Variants in CMC2 observed in about 807,000 individuals in gnomAD.
The protein encoded by CMC2 is COX assembly mitochondrial protein 2 homolog.
Under a neutral mutation model 7.5 loss-of-function variants are expected in CMC2, and 5 were observed. That is an observed-to-expected ratio of 0.66 (90% CI 0.35 to 1.40). The LOEUF is 1.40. Among genes scored for constraint, CMC2 ranks in the 40% most tolerant of loss-of-function variants. CMC2 has a pLI of 0.04. For missense variants in CMC2, 115 were observed against 92.3 expected, an observed-to-expected ratio of 1.25 and a Z score of -1.01; for synonymous variants, 37 against 31.4, an observed-to-expected ratio of 1.18 and a Z score of -0.60.
At chr16:80,993,267 A>T (rs1327440813) in intron 2 of CMC2, among the ~76,000 whole-genome samples, 2 of 152,208 alleles carry the variant, frequency 1.3e-5, no homozygotes, top group Non-Finnish European at 2.9e-5. Flanking sequence ...TGAAAGAAAA[A>T]AACAAAACAA....
chr16:81,003,921 G>C (rs1567537573), intron 1 of CMC2, among the ~76,000 whole-genome samples: 1 of 152,196 alleles, frequency 6.6e-6, no homozygotes, highest in Non-Finnish European at 1.5e-5. Flanking sequence ...GATGGCATGG[G>C]TTTAAAATAA....
chr16:80,984,495 C>T (rs1382224536), intron 2 of CMC2, among the ~76,000 whole-genome samples: 1 of 152,206 alleles, frequency 6.6e-6, no homozygotes, highest in South Asian at 2.1e-4. Flanking sequence ...AAGCATTTAA[C>T]ATAGACTAAA....
intron 2 of CMC2, chr16:80,996,926 TA>T (rs1284583218): frequency 5.1e-6 from 2 of 392,898 alleles, no homozygotes; most frequent in African/African-American, 2.1e-5. Flanking sequence ...CTATTACCAT[TA>T]AACACAGAAT....
At chr16:80,988,850 C>A (rs893136058) in intron 2 of CMC2, among the ~76,000 whole-genome samples, 20 of 151,096 alleles carry the variant, frequency 1.3e-4, no homozygotes, top group African/African-American at 4.9e-4. Flanking sequence ...TATCTTTAAT[C>A]TTTATTTGAA....
chr16:81,004,251 C>T (rs911434338), intron 1 of CMC2, among the ~76,000 whole-genome samples: 9 of 152,110 alleles, frequency 5.9e-5, no homozygotes, highest in Admixed American at 2.6e-4. Flanking sequence ...ACATCAGCAG[C>T]ATGGTGGAAA....
chr16:81,001,542 G>A (rs1045823768), intron 1 of CMC2, among the ~76,000 whole-genome samples: 1 of 152,084 alleles, frequency 6.6e-6, no homozygotes, highest in African/African-American at 2.4e-5. Context: ...GAGATGGACG[G>A]TGGTGATGGT....
At chr16:81,002,403 T>C (rs1968933620) in intron 1 of CMC2, among the ~76,000 whole-genome samples, 1 of 152,144 alleles carries the variant, frequency 6.6e-6, no homozygotes, top group Non-Finnish European at 1.5e-5. Context: ...CCAGCTTGGG[T>C]AACAGCGCAA....
chr16:80,983,764 C>G (rs1000673859), intron 2 of CMC2: 1 of 152,220 alleles, frequency 6.6e-6, no homozygotes, highest in African/African-American at 2.4e-5. Context: ...GGCGGATCAC[C>G]TCAGGTCAGG....
intron 3 of CMC2, chr16:80,978,387 G>C: frequency 3.9e-6 from 5 of 1,270,710 alleles, no homozygotes; most frequent in Non-Finnish European, 5.1e-6. Flanking sequence ...AATATGCTAA[G>C]ACATCTCCAA....
intron 2 of CMC2, among the ~76,000 whole-genome samples, chr16:80,984,891 C>T (rs893308843): frequency 4.6e-5 from 7 of 152,156 alleles, no homozygotes; most frequent in African/African-American, 1.4e-4. Context: ...GACCCAAGTG[C>T]CCCAGAGAAA....
At chr16:80,993,257 T>C (rs1276935186) in intron 2 of CMC2, among the ~76,000 whole-genome samples, 1 of 152,060 alleles carries the variant, frequency 6.6e-6, no homozygotes, top group South Asian at 2.1e-4. Context: ...CTGTGATAAC[T>C]GAAAGAAAAA....
chr16:80,993,382 G>A (rs1302249458), intron 2 of CMC2, among the ~76,000 whole-genome samples: 1 of 152,128 alleles, frequency 6.6e-6, no homozygotes, highest in East Asian at 1.9e-4. Flanking sequence ...GAGCAGAGGA[G>A]GCAAACGTCA....
rs1656882201 is a variant in CMC2, at chr16:80,966,800, T to TTC, written c.*9292_*9293insGA. On this transcript the variant is annotated 3_prime_UTR_variant, in exon 4 of 4. Coordinates refer to ENST00000219400, the MANE Select transcript of CMC2 (RefSeq NM_020188.5). ...AAGTTTTAGGAATTTCTTCTTTTCT[T>TTC]TATATAATCACCATATAGTCATACA... 1 of 152,174 alleles carries TTC rather than the reference T, an allele frequency of 6.6e-6. No individual in the cohort carries two copies. The highest frequency in any genetic ancestry group is 2.4e-5 in the African/African-American group (1 of 41,442). The allele number at this position is 152,174 out of a possible 1,614,324, so 9.4% of individuals were successfully genotyped here. A position where few individuals can be genotyped will look rare whatever the true frequency, so the allele number is the denominator to read the frequency against.
At position 81,006,873 on chromosome 16, in the gene CMC2, G is replaced by A. The variant is rs935028316; in HGVS notation, c.-175C>T. On this transcript the variant is annotated 5_prime_UTR_variant, in exon 1 of 4. The change creates a new upstream start codon in the 5' untranslated region. Transcript: ENST00000219400. ...CAGTGACGCCCTCCACCGCTCCACCGTGCTCCCGGCTCCTCGCCCCCGCCG... is the reference window on the plus strand; with the variant it reads ...CAGTGACGCCCTCCACCGCTCCACCATGCTCCCGGCTCCTCGCCCCCGCCG... 6.1e-6 allele frequency: 6 copies of A among 986,022 alleles called. No individual in the cohort carries two copies. Among genetic ancestry groups the A allele is most frequent in the Admixed American group, 1.2e-4 (2 of 16,276 alleles). The allele number at this position is 986,022 out of a possible 1,614,324, so 61.1% of individuals were successfully genotyped here.
intron 2 of CMC2, among the ~76,000 whole-genome samples, chr16:80,990,868 G>A (rs999656923): frequency 4.6e-5 from 7 of 152,058 alleles, no homozygotes; most frequent in Admixed American, 3.3e-4. Flanking sequence ...GGGACTACAG[G>A]CATGTGTCAT....
chr16:81,004,263 G>A (rs1348442655), intron 1 of CMC2, among the ~76,000 whole-genome samples: 2 of 152,140 alleles, frequency 1.3e-5, no homozygotes, highest in Non-Finnish European at 2.9e-5. Flanking sequence ...TGGTGGAAAC[G>A]AAAGTGAAAG....
intron 2 of CMC2, among the ~76,000 whole-genome samples, chr16:80,988,001 C>T (rs565006794): frequency 6.6e-5 from 10 of 151,626 alleles, no homozygotes; most frequent in South Asian, 4.2e-4. Context: ...CACAGGAGAG[C>T]CTGTCTCTAG....
chr16:80,999,736 A>T (rs756405493), intron 1 of CMC2, among the ~76,000 whole-genome samples: 1 of 152,264 alleles, frequency 6.6e-6, no homozygotes, highest in Non-Finnish European at 1.5e-5. Flanking sequence ...GGAACATAAC[A>T]GCCCAGAAAT....
chr16:80,992,961 C>G (rs1411090885), intron 2 of CMC2, among the ~76,000 whole-genome samples: 1 of 152,068 alleles, frequency 6.6e-6, no homozygotes, highest in African/African-American at 2.4e-5. Context: ...TTTATTGTCT[C>G]TGGAATTCAG....
Sources: allele counts gnomAD v4.1 joint callset (sites outside exome capture counted in the v4.1 genomes callset), GRCh38; gene constraint gnomAD v4.1.1; transcripts MANE v1.5; gene names NCBI Gene and HGNC (gene_info 2026-07-23, HGNC 2026-07-21).